Variants in UBE4B observed in about 807,000 individuals in gnomAD.
UBE4B encodes the protein ubiquitination factor E4B, also known as ubiquitin conjugation factor E4 B.
A neutral mutation model predicts 148.1 loss-of-function variants in UBE4B; 27 were observed. That is an observed-to-expected ratio of 0.18 (90% CI 0.13 to 0.25). The LOEUF (loss-of-function observed/expected upper bound fraction) is 0.25. Ranked by LOEUF, UBE4B falls within the 10% of genes least tolerant of loss-of-function variation. The probability of loss-of-function intolerance (pLI) is 1.00; values close to 1 mark genes in which losing one functional copy is unlikely to be tolerated. For missense variants in UBE4B, 1,170 were observed against 1,662.4 expected (o/e 0.70, Z 5.15); for synonymous variants, 596 against 619.3 (o/e 0.96, Z 0.56).
chr1:10,106,253 T>C lies in UBE4B; in HGVS notation c.866T>C (p.Met289Thr), dbSNP rs1645106054. 6.2e-7 allele frequency: 1 copy of C among 1,613,972 alleles called. No individual in the cohort carries two copies. Among genetic ancestry groups the C allele is most frequent in the East Asian group, 2.2e-5 (1 of 44,872 alleles). ...AGTTTCTGGAGCTCTGTTCCCGTGA[T>C]GGGCCCGTCTCTTGCCTCACCTTCC... ...TPSFWSSVPV[M>T]GPSLASPSRA... Residue 289 changes from methionine to threonine, a missense_variant, in exon 7 of 28, where the codon ATG becomes ACG. This residue lies in a region of UBE4B where 214 missense variants were observed against 209.1 expected (regional missense o/e 1.02). Coordinates refer to ENST00000343090, the MANE Select transcript of UBE4B (RefSeq NM_001105562.3). This position sits in a 1 kb window ranked among gnomAD's most constrained non-coding sequence, Gnocchi z 4.2.
chr1:10,179,296 A>C, intron 26 of UBE4B, 120 bp from the exon 27 acceptor site: 1 of 1,316,450 alleles, frequency 7.6e-7, no homozygotes, highest in Non-Finnish European at 1.0e-6. Context: ...TGGGGGCCTC[A>C]CAGGGGCCCT....
chr1:10,080,071 C>T (rs569399670), intron 2 of UBE4B, among the ~76,000 whole-genome samples: 1 of 152,238 alleles, frequency 6.6e-6, no homozygotes, highest in East Asian at 1.9e-4. Context: ...TTCTCAGGCT[C>T]CCGGCTATGC....
intron 9 of UBE4B, 73 bp downstream of exon 9, chr1:10,119,686 G>A: frequency 7.2e-7 from 1 of 1,389,172 alleles, no homozygotes; most frequent in Admixed American, 1.7e-5. Flanking sequence ...CAGGCTCTCT[G>A]GCCATTCTTG....
At position 10,180,045 on chromosome 1, in the gene UBE4B, G is replaced by C; in HGVS notation, c.*89G>C. On this transcript the variant is annotated 3_prime_UTR_variant, in exon 28 of 28. Coordinates refer to ENST00000343090, the MANE Select transcript of UBE4B (RefSeq NM_001105562.3). The stretch of plus-strand genomic sequence containing the variant: ...GCCGCAGCGAAGCTGCCGTTCATGT[G>C]TTGGAGGCCAAATGTGGCAAACCAA... The C allele has an allele frequency of 6.4e-7, 1 of 1,570,822 alleles. No individual in the cohort carries two copies.
At chr1:10,124,523 ACTTTTCAGC>A (rs1645461342) in intron 10 of UBE4B, among the ~76,000 whole-genome samples, 1 of 152,146 alleles carries the variant, frequency 6.6e-6, no homozygotes. Context: ...AATTCTGCTG[ACTTTTCAGC>A]CACTCAGTGT....
At chr1:10,166,595 C>G (rs1489677966) in intron 23 of UBE4B, among the ~76,000 whole-genome samples, 1 of 152,026 alleles carries the variant, frequency 6.6e-6, no homozygotes, top group African/African-American at 2.4e-5. Context: ...TGAGACCAGC[C>G]TGATCAACAT....
Position 10,180,806 on chromosome 1 carries a change from T to C in UBE4B, c.*850T>C, listed in dbSNP as rs1646493824. On this transcript the variant is annotated 3_prime_UTR_variant, in exon 28 of 28. Transcript: ENST00000343090. ...TTTGGGGAGATGAGGGTTGGGTTTT[T>C]TTTTTAATGCTACGTGACAGTTTGA... 6.6e-6 allele frequency: 1 copy of C among 152,504 alleles called. No homozygotes were observed. Among genetic ancestry groups the C allele is most frequent in the Non-Finnish European group, 1.5e-5 (1 of 68,008 alleles). 9.4% of individuals were successfully genotyped at this position (152,504 alleles called of 1,614,324 possible).
intron 23 of UBE4B, among the ~76,000 whole-genome samples, chr1:10,164,544 T>C (rs78744911): frequency 0.02 from 3,098 of 152,242 alleles, 102 homozygotes; most frequent in African/African-American, 0.07. Flanking sequence ...GGAATGCAGG[T>C]CTATAGCACA....
intron 1 of UBE4B, among the ~76,000 whole-genome samples, chr1:10,043,788 G>C (rs1473180257): frequency 6.6e-6 from 1 of 152,148 alleles, no homozygotes; most frequent in Non-Finnish European, 1.5e-5. Context: ...TTGTGACATA[G>C]TTGTCATTTC....
intron 25 of UBE4B, among the ~76,000 whole-genome samples, chr1:10,175,003 A>C (rs1025320175): frequency 6.6e-6 from 1 of 152,224 alleles, no homozygotes; most frequent in Non-Finnish European, 1.5e-5. Flanking sequence ...AGACAAAGGA[A>C]GAGGAAAATG....
chr1:10,152,791 C>T (rs923924425), intron 21 of UBE4B, among the ~76,000 whole-genome samples: 1 of 151,764 alleles, frequency 6.6e-6, no homozygotes, highest in Non-Finnish European at 1.5e-5. Context: ...GGGCAAGACT[C>T]CGTCTCAAAA....
intron 1 of UBE4B, among the ~76,000 whole-genome samples, chr1:10,035,563 GT>G (rs918614653): frequency 1.1e-4 from 16 of 142,478 alleles, no homozygotes; most frequent in Admixed American, 2.8e-4. Context: ...CTCCCGGCTA[GT>G]TTTTTGTATT....
intron 5 of UBE4B, among the ~76,000 whole-genome samples, chr1:10,104,832 C>G (rs1165242081): frequency 6.6e-6 from 1 of 152,166 alleles, no homozygotes; most frequent in Non-Finnish European, 1.5e-5. Context: ...AGTGGCAACT[C>G]TGTCTTACAC....
intron 15 of UBE4B, among the ~76,000 whole-genome samples, chr1:10,134,023 C>T (rs1458473451): frequency 6.6e-6 from 1 of 151,082 alleles, no homozygotes; most frequent in East Asian, 1.9e-4. Context: ...GCACTACAGC[C>T]TGGGCAACAG....
chr1:10,070,807 T>TA (rs35399830), intron 1 of UBE4B, among the ~76,000 whole-genome samples: 2 of 152,130 alleles, frequency 1.3e-5, no homozygotes, highest in Non-Finnish European at 2.9e-5. Flanking sequence ...TTGAATCAAG[T>TA]AAAAAAAGAA....
intron 14 of UBE4B, among the ~76,000 whole-genome samples, chr1:10,131,441 C>T (rs775720844): frequency 3.2e-4 from 48 of 151,888 alleles, no homozygotes; most frequent in African/African-American, 8.7e-4. Flanking sequence ...GCCAAGATCA[C>T]GCCACTGCAC....
chr1:10,147,578 G>A (rs1197264650), intron 19 of UBE4B, among the ~76,000 whole-genome samples: 1 of 152,180 alleles, frequency 6.6e-6, no homozygotes, highest in Non-Finnish European at 1.5e-5. Context: ...TGTTTTCCCT[G>A]TAATTAGTTA....
At chr1:10,079,277 A>G (rs1331979470) in intron 2 of UBE4B, among the ~76,000 whole-genome samples, 1 of 151,152 alleles carries the variant, frequency 6.6e-6, no homozygotes, top group Non-Finnish European at 1.5e-5. Flanking sequence ...TCCTGCCTCA[A>G]CCTCCTGAGT....
At chr1:10,063,441 TC>T in intron 1 of UBE4B, among the ~76,000 whole-genome samples, 1 of 152,308 alleles carries the variant, frequency 6.6e-6, no homozygotes, top group East Asian at 1.9e-4. Context: ...AGGCCTGAAA[TC>T]TAGATTATTC....
Sources: allele counts gnomAD v4.1 joint callset (sites outside exome capture counted in the v4.1 genomes callset), GRCh38; gene constraint gnomAD v4.1.1; regional missense constraint gnomAD v4.1.1; non-coding constraint Gnocchi (gnomAD v3.1); transcripts MANE v1.5; gene names NCBI Gene and HGNC (gene_info 2026-07-23, HGNC 2026-07-21).